The following RHCE variants were observed in gnomAD, a reference collection of about 807,000 sequenced individuals.
RHCE encodes blood group Rh(CE) polypeptide.
A neutral mutation model predicts 43.8 loss-of-function variants in RHCE; 22 were observed. The observed-to-expected ratio is 0.50, with a 90% CI of 0.36 to 0.72. The LOEUF (loss-of-function observed/expected upper bound fraction) is 0.72. Ranked by LOEUF, RHCE falls within the 30% of genes least tolerant of loss-of-function variation. The pLI is 0.00. For synonymous variants in RHCE, 156 were observed against 210.7 expected (o/e 0.74, Z 2.25); for missense variants, 385 against 525.4 (o/e 0.73, Z 2.61).
At chr1:25,395,415 G>A (rs1179186628) in intron 3 of RHCE, among the ~76,000 whole-genome samples, 2 of 152,232 alleles carry the variant, frequency 1.3e-5, no homozygotes, top group Non-Finnish European at 2.9e-5. Flanking sequence ...GAGAATCAGA[G>A]CCAAAAGATG....
intron 7 of RHCE, among the ~76,000 whole-genome samples, chr1:25,380,969 T>G (rs532501184): frequency 1.3e-5 from 2 of 148,510 alleles, no homozygotes; most frequent in East Asian, 4.1e-4. Flanking sequence ...TGGCGCGATC[T>G]CGGCTCACTG....
intron 1 of RHCE, among the ~76,000 whole-genome samples, chr1:25,410,211 A>G (rs752200946): frequency 6.6e-6 from 1 of 151,968 alleles, no homozygotes; most frequent in Non-Finnish European, 1.5e-5. Context: ...GCCAAGATTT[A>G]AACCTAGATA....
chr1:25,370,845 T>C (rs1394347793), intron 8 of RHCE, among the ~76,000 whole-genome samples: 4 of 150,176 alleles, frequency 2.7e-5, no homozygotes, highest in African/African-American at 9.9e-5. Flanking sequence ...GCCTCCCAGG[T>C]TCAAGCGATT....
At chr1:25,417,978 G>A (rs1410569189) in intron 1 of RHCE, among the ~76,000 whole-genome samples, 1 of 152,150 alleles carries the variant, frequency 6.6e-6, no homozygotes, top group Non-Finnish European at 1.5e-5. Flanking sequence ...GCCAAACTCC[G>A]TATGCAGCCC....
intron 1 of RHCE, among the ~76,000 whole-genome samples, chr1:25,411,068 G>A (rs1386548897): frequency 1.3e-5 from 2 of 151,560 alleles, no homozygotes; most frequent in Non-Finnish European, 2.9e-5. Context: ...CTCCAGCCTG[G>A]GCGACACAGT....
Position 25,402,659 on chromosome 1 carries a change from C to T in RHCE, c.423G>A (p.Val141=). Residue 141 remains valine, a synonymous_variant, in exon 3 of 10, where the codon GTG becomes GTA. Transcript: ENST00000294413. ...LGKVNLAQLV[V]MVLVEVTALG... ...AAGCTGTCACCTCCACCAGCACCAT[C>T]ACCACCAACTGCGCCAAGTTGACCT... 3 of 1,614,154 alleles carry T rather than the reference C, an allele frequency of 1.9e-6. No individual in the cohort carries two copies. Among genetic ancestry groups the T allele is most frequent in the Non-Finnish European group, 1.7e-6 (2 of 1,180,026 alleles).
chr1:25,370,721 C>CTATTTTATTTTATTTTATTT (rs71014358), intron 8 of RHCE, among the ~76,000 whole-genome samples, 181 bp from the exon 9 acceptor site: 2 of 141,224 alleles, frequency 1.4e-5, no homozygotes, highest in African/African-American at 5.3e-5. Context: ...ATTCTGTAGA[C>CTATTTTATTTTATTTTATTT]TATTTTATTT....
intron 1 of RHCE, among the ~76,000 whole-genome samples, chr1:25,415,652 A>G (rs1355563737): frequency 1.3e-5 from 2 of 150,670 alleles, no homozygotes; most frequent in Non-Finnish European, 3.0e-5. Flanking sequence ...CTCTGTCTCA[A>G]AAAAAAAAAG....
chr1:25,396,511 GA>G (rs1646540919), intron 3 of RHCE, among the ~76,000 whole-genome samples: 1 of 152,312 alleles, frequency 6.6e-6, no homozygotes, highest in Non-Finnish European at 1.5e-5. Flanking sequence ...ATAAACAAAA[GA>G]GGCTGAATTG....
intron 1 of RHCE, among the ~76,000 whole-genome samples, chr1:25,416,542 C>T (rs1571922965): frequency 6.6e-6 from 1 of 152,164 alleles, no homozygotes; most frequent in East Asian, 1.9e-4. Context: ...GGATTACAGG[C>T]GTGAGCCACC....
At chr1:25,376,491 G>C (rs542394862) in intron 7 of RHCE, among the ~76,000 whole-genome samples, 1 of 152,186 alleles carries the variant, frequency 6.6e-6, no homozygotes, top group African/African-American at 2.4e-5. Flanking sequence ...ACCCCACCTT[G>C]TATGTCATTT....
chr1:25,381,870 A>C (rs1340363370), intron 7 of RHCE, among the ~76,000 whole-genome samples: 2 of 151,318 alleles, frequency 1.3e-5, no homozygotes, highest in East Asian at 1.9e-4. Flanking sequence ...GGAATCTGTT[A>C]CAGTAAAAAC....
chr1:25,427,605 G>A (rs2042814875), intron 2 of RHCE, among the ~76,000 whole-genome samples: 1 of 152,240 alleles, frequency 6.6e-6, no homozygotes, highest in Non-Finnish European at 1.5e-5. Context: ...GTCTGGAGGA[G>A]TGAAAGAGGA....
chr1:25,410,499 G>A (rs1366975254), intron 1 of RHCE, among the ~76,000 whole-genome samples: 7 of 151,604 alleles, frequency 4.6e-5, no homozygotes, highest in African/African-American at 1.2e-4. Flanking sequence ...GTGCGATCTC[G>A]GTTTGCTGCA....
intron 7 of RHCE, among the ~76,000 whole-genome samples, chr1:25,377,879 T>A (rs183946091): frequency 1.5e-3 from 223 of 152,310 alleles, no homozygotes; most frequent in African/African-American, 4.9e-3. Context: ...CATTCCAGCC[T>A]GGGTGACAGA....
intron 7 of RHCE, among the ~76,000 whole-genome samples, chr1:25,384,742 C>A (rs960951322): frequency 6.6e-6 from 1 of 152,220 alleles, no homozygotes; most frequent in African/African-American, 2.4e-5. Flanking sequence ...AACACATCAG[C>A]TCCTCATCAC....
At chr1:25,421,333 C>T (rs923279554), upstream of RHCE, among the ~76,000 whole-genome samples, 1 of 152,174 alleles carries the variant, frequency 6.6e-6, no homozygotes, top group Non-Finnish European at 1.5e-5. Context: ...ATAGGACCCA[C>T]GTAGAATTGA....
intron 3 of RHCE, among the ~76,000 whole-genome samples, chr1:25,399,661 G>A (rs542402545): frequency 0.016 from 2,386 of 152,108 alleles, 35 homozygotes; most frequent in Non-Finnish European, 0.025. Flanking sequence ...CTCTCTAGTC[G>A]GTAGATACCA....
chr1:25,390,764 T>C lies in RHCE; in HGVS notation c.786A>G (p.Gln262=), dbSNP rs759412437. 19 of 1,614,058 alleles carry C rather than the reference T, an allele frequency of 1.2e-5. No individual in the cohort carries two copies. Among genetic ancestry groups the C allele is most frequent in the Middle Eastern group, 1.6e-4 (1 of 6,084 alleles). ...AISGSSLAHP[Q]RKISMTYVHS... is the part of the protein sequence containing the mutation. ...CCCTGCTCACCATGCTGATCTTCCTTTGGGGGTGAGCCAAGGATGACCCTG... is the reference window on the plus strand; with the variant it reads ...CCCTGCTCACCATGCTGATCTTCCTCTGGGGGTGAGCCAAGGATGACCCTG... The change falls in exon 5 of 10, where the codon CAA becomes CAG. Residue 262 remains glutamine, a synonymous_variant. Transcript: ENST00000294413.
Sources: gnomAD v4.1 joint callset for allele counts (sites outside exome capture counted in the v4.1 genomes callset) on GRCh38, gnomAD v4.1.1 for gene constraint, MANE v1.5 for transcripts, NCBI Gene and HGNC (gene_info 2026-07-23, HGNC 2026-07-21) for gene names.